CELF4: variants seen among roughly 807,000 people sequenced by gnomAD.
CELF4 encodes the protein CUG-BP- and ETR-3-like factor 4.
Under a neutral mutation model 59.9 loss-of-function variants are expected in CELF4, and 18 were observed. The observed-to-expected ratio is 0.30, with a 90% CI of 0.21 to 0.45. The LOEUF (loss-of-function observed/expected upper bound fraction) is 0.45, where lower values mean the gene tolerates loss of function less well. CELF4 is among the 20% of genes least tolerant of loss of function. CELF4 has a pLI of 1.00. For synonymous variants in CELF4, 261 were observed against 267.1 expected, an observed-to-expected ratio of 0.98 and a Z score of 0.22; for missense variants, 456 against 689.0, an observed-to-expected ratio of 0.66 and a Z score of 3.79.
chr18:37,465,547 T>A (rs2099805725), intron 2 of CELF4, among the ~76,000 whole-genome samples: 1 of 151,980 alleles, frequency 6.6e-6, no homozygotes, highest in Admixed American at 6.6e-5. Flanking sequence ...CTCAGTGGGG[T>A]CACTGCTGCA....
At chr18:37,252,288 T>G (rs2065961454) in intron 12 of CELF4, among the ~76,000 whole-genome samples, 1 of 152,100 alleles carries the variant, frequency 6.6e-6, no homozygotes, top group Non-Finnish European at 1.5e-5. Flanking sequence ...AAAATACACC[T>G]AGAAATTAAT....
chr18:37,555,705 T>C (rs536768806), intron 1 of CELF4, among the ~76,000 whole-genome samples: 1 of 152,326 alleles, frequency 6.6e-6, no homozygotes, highest in African/African-American at 2.4e-5. Context: ...ACTGAATCAC[T>C]CTGGGCTGGC....
intron 1 of CELF4, among the ~76,000 whole-genome samples, chr18:37,542,547 G>GT (rs1473556798): frequency 1.3e-5 from 2 of 152,216 alleles, no homozygotes; most frequent in Admixed American, 1.3e-4. Context: ...GCCCTGGGAA[G>GT]TTAGGGCAGT....
At chr18:37,350,421 T>C (rs1255678322) in intron 2 of CELF4, among the ~76,000 whole-genome samples, 2 of 152,200 alleles carry the variant, frequency 1.3e-5, no homozygotes, top group Non-Finnish European at 2.9e-5. Flanking sequence ...CGGACAAATC[T>C]GCTGGCCTGT....
intron 2 of CELF4, among the ~76,000 whole-genome samples, chr18:37,345,158 AG>A (rs745347819): frequency 3.3e-5 from 5 of 152,172 alleles, no homozygotes; most frequent in Admixed American, 6.5e-5. Flanking sequence ...AGCTCCTATA[AG>A]GATGGGTTTA....
Position 37,444,211 on chromosome 18 carries a change from A to G in CELF4, c.369+41314T>C, listed in dbSNP as rs140137279. Among the ~76,000 whole-genome samples the G allele has an allele frequency of 2.6e-3, 398 of 152,244 alleles. 7 individuals are homozygous for G. In the East Asian group the frequency reaches 0.047, roughly 18 times the overall value. On this transcript the variant is annotated intron_variant, in intron 2 of 12. Transcript: ENST00000420428. ...ACCCTGAGCCCATTCTCTTGACCCC[A>G]GGGTGCTTACCCTGCATTTGGTATC...
intron 2 of CELF4, among the ~76,000 whole-genome samples, chr18:37,470,750 G>T (rs931568086): frequency 2.0e-5 from 3 of 151,780 alleles, no homozygotes; most frequent in Admixed American, 1.3e-4. Context: ...GAGCACACAG[G>T]GTTTCTGAAG....
chr18:37,454,303 T>C (rs1312090420), intron 2 of CELF4, among the ~76,000 whole-genome samples: 1 of 152,168 alleles, frequency 6.6e-6, no homozygotes. Context: ...CTGTTTTCCA[T>C]GCCAGGAGGC....
At chr18:37,532,384 T>TCA in intron 1 of CELF4, among the ~76,000 whole-genome samples, 1 of 152,324 alleles carries the variant, frequency 6.6e-6, no homozygotes, top group Non-Finnish European at 1.5e-5. Context: ...TGCATCTCAG[T>TCA]CACCTTTGTA....
At chr18:37,360,377 C>T (rs1002386270) in intron 2 of CELF4, among the ~76,000 whole-genome samples, 15 of 152,230 alleles carry the variant, frequency 9.9e-5, no homozygotes, top group African/African-American at 3.6e-4. Context: ...TGCACAGGAA[C>T]CAGCCTGCTG....
At chr18:37,251,805 G>A (rs1600154930) in intron 12 of CELF4, among the ~76,000 whole-genome samples, 1 of 152,204 alleles carries the variant, frequency 6.6e-6, no homozygotes, top group Admixed American at 6.5e-5. Context: ...GGCAGGGATG[G>A]TGACTCATTC....
intron 1 of CELF4, among the ~76,000 whole-genome samples, chr18:37,487,366 T>C (rs1486102763): frequency 1.3e-5 from 2 of 152,162 alleles, no homozygotes; most frequent in African/African-American, 2.4e-5. Flanking sequence ...AACTCTCAGC[T>C]CCCAGTGCCC....
chr18:37,489,988 G>A (rs1323631033), intron 1 of CELF4, among the ~76,000 whole-genome samples: 1 of 151,962 alleles, frequency 6.6e-6, no homozygotes, highest in Non-Finnish European at 1.5e-5. Flanking sequence ...GTGGCTGCTT[G>A]GAATAGCAAA....
In CELF4 at chr18:37,246,387, C is replaced by G. The variant is rs2062103687; in HGVS notation, c.*45-1190G>C. Among the ~76,000 whole-genome samples the G allele has an allele frequency of 1.3e-5, 2 of 152,070 alleles. No homozygotes were observed. The highest frequency in any genetic ancestry group is 4.1e-4 in the South Asian group (2 of 4,822). On this transcript the variant is annotated intron_variant, in intron 12 of 12. Transcript: ENST00000420428. The surrounding 1 kb of genome is among the most constrained non-coding windows in gnomAD (Gnocchi z 5.3). ...TTGCTTTTGTTAGTACTGTTTCTTC[C>G]AAACCAACCAAAAAAAACCCTCCCG...
intron 1 of CELF4, among the ~76,000 whole-genome samples, chr18:37,490,507 G>T (rs1430549625): frequency 1.1e-4 from 16 of 152,278 alleles, no homozygotes; most frequent in African/African-American, 3.9e-4. Context: ...CACATCTGCC[G>T]CCTGGCAAAT....
chr18:37,488,770 TTCC>T (rs2099888729), intron 1 of CELF4, among the ~76,000 whole-genome samples: 1 of 152,138 alleles, frequency 6.6e-6, no homozygotes, highest in African/African-American at 2.4e-5. Flanking sequence ...AATGTAGAAA[TTCC>T]TCCTGCCTCC....
chr18:37,307,694 A>G (rs1156994774), intron 3 of CELF4, among the ~76,000 whole-genome samples: 1 of 152,010 alleles, frequency 6.6e-6, no homozygotes, highest in Non-Finnish European at 1.5e-5. Flanking sequence ...GCCTCATGGT[A>G]CAAGCACAAG....
intron 2 of CELF4, among the ~76,000 whole-genome samples, chr18:37,379,532 AGG>A (rs2099012651): frequency 6.7e-6 from 1 of 149,550 alleles, no homozygotes; most frequent in Non-Finnish European, 1.5e-5. Flanking sequence ...AAAAAAAAAA[AGG>A]TACTATCCTT....
chr18:37,278,082 G>A lies in CELF4; in HGVS notation c.449-2839C>T, dbSNP rs148674404. On this transcript the variant is annotated intron_variant, in intron 3 of 12. Coordinates refer to ENST00000420428, the MANE Select transcript of CELF4 (RefSeq NM_020180.4). ...CTATCCAGCCACTTCCTTTTTTGCC[G>A]GTTTTGGGTTTTTTTTGTTTTTTCC... Among the ~76,000 whole-genome samples, 17 of 152,160 alleles carry A rather than the reference G, an allele frequency of 1.1e-4. No homozygotes were observed. In the South Asian group the frequency reaches 1.9e-3, roughly 17 times the overall value.
Sources: allele counts gnomAD v4.1 joint callset (sites outside exome capture counted in the v4.1 genomes callset), GRCh38; gene constraint gnomAD v4.1.1; non-coding constraint Gnocchi (gnomAD v3.1); transcripts MANE v1.5; gene names NCBI Gene and HGNC (gene_info 2026-07-23, HGNC 2026-07-21).